Variants in PXDNL observed in about 807,000 individuals in gnomAD.
PXDNL encodes the protein peroxidasin like.
In PXDNL, 145 loss-of-function variants were observed where a neutral mutation model predicts 150.8. The observed-to-expected ratio is 0.96, with a 90% confidence interval of 0.84 to 1.10. The LOEUF is 1.10. PXDNL is among the 50% of genes least tolerant of loss of function. PXDNL has a pLI of 0.00. For synonymous variants in PXDNL, 757 were observed against 725.7 expected (o/e 1.04, Z -0.69); for missense variants, 2,087 against 1,873.9 (o/e 1.11, Z -2.10).
chr8:51,403,859 A>G (rs956959366), intron 17 of PXDNL, among the ~76,000 whole-genome samples: 1 of 152,142 alleles, frequency 6.6e-6, no homozygotes, highest in Admixed American at 6.5e-5. Flanking sequence ...TCAAGAATGA[A>G]CTTGCGGACC....
chr8:51,324,356 A>AGTTTTCC (rs529484537), intron 21 of PXDNL, among the ~76,000 whole-genome samples: 1 of 151,910 alleles, frequency 6.6e-6, no homozygotes, highest in African/African-American at 2.4e-5. Flanking sequence ...CCTTGTTTGC[A>AGTTTTCC]ATACCTTGCA....
intron 1 of PXDNL, among the ~76,000 whole-genome samples, chr8:51,735,296 C>T (rs2130941244): frequency 6.6e-6 from 1 of 151,722 alleles, no homozygotes; most frequent in Non-Finnish European, 1.5e-5. Context: ...GCCTGGTCAA[C>T]ATGGTGAGAC....
At chr8:51,715,074 T>C (rs1180682711) in intron 1 of PXDNL, among the ~76,000 whole-genome samples, 1 of 152,222 alleles carries the variant, frequency 6.6e-6, no homozygotes, top group Non-Finnish European at 1.5e-5. Flanking sequence ...CTGTTGCTTC[T>C]TAAAAGATAA....
intron 2 of PXDNL, among the ~76,000 whole-genome samples, chr8:51,611,952 G>T (rs1814014852): frequency 6.6e-6 from 1 of 152,242 alleles, no homozygotes; most frequent in Non-Finnish European, 1.5e-5. Flanking sequence ...TATGGGGTAG[G>T]GAGGAAGCCA....
At chr8:51,534,336 C>A (rs1812001141) in intron 4 of PXDNL, among the ~76,000 whole-genome samples, 1 of 147,188 alleles carries the variant, frequency 6.8e-6, no homozygotes, top group African/African-American at 2.6e-5. Flanking sequence ...GGCAGCCACC[C>A]CGTCCGGGAG....
chr8:51,499,077 A>G (rs1420924729), intron 5 of PXDNL, among the ~76,000 whole-genome samples: 1 of 152,168 alleles, frequency 6.6e-6, no homozygotes, highest in African/African-American at 2.4e-5. Context: ...TGAAACTGCT[A>G]GATCTTAGGG....
At chr8:51,439,207 G>C (rs936664747) in intron 12 of PXDNL, among the ~76,000 whole-genome samples, 9 of 151,892 alleles carry the variant, frequency 5.9e-5, no homozygotes, top group African/African-American at 2.2e-4. Context: ...GAATCTACAA[G>C]GAAATCAAAC....
intron 17 of PXDNL, among the ~76,000 whole-genome samples, chr8:51,388,914 C>T (rs117572870): frequency 1.1e-3 from 172 of 152,074 alleles, no homozygotes; most frequent in Non-Finnish European, 1.9e-3. Context: ...TTTTCAAATA[C>T]CTGTATTTTT....
At chr8:51,378,534 G>T (rs973787079) in intron 17 of PXDNL, among the ~76,000 whole-genome samples, 35 of 152,218 alleles carry the variant, frequency 2.3e-4, no homozygotes, top group Admixed American at 2.0e-3. Context: ...AAAGCAGGCT[G>T]CCCCAGCCAG....
intron 8 of PXDNL, 66 bp from the exon 9 acceptor site, chr8:51,457,733 TG>T: frequency 7.8e-7 from 1 of 1,284,544 alleles, no homozygotes; most frequent in Non-Finnish European, 1.1e-6. Flanking sequence ...TTAACAAGAC[TG>T]AGAATATAGT....
In PXDNL at chr8:51,441,704, T is replaced by G. The variant is rs16916285; in HGVS notation, c.1525+5300A>C. ...GATTACAGCTTGATCACTGTGATGG[T>G]TAGTGGTATCCATAGAAAATGGTGA... On this transcript the variant is annotated intron_variant, in intron 12 of 22. Coordinates refer to ENST00000356297, the MANE Select transcript of PXDNL (RefSeq NM_144651.5). 5.6e-3 allele frequency among the ~76,000 whole-genome samples: 857 copies of G among 152,276 alleles called. 24 individuals are homozygous for G. Among genetic ancestry groups the G allele is most frequent in the Admixed American group, 0.043 (665 of 15,294 alleles).
chr8:51,556,328 C>T (rs1812599658), intron 4 of PXDNL, among the ~76,000 whole-genome samples: 1 of 151,970 alleles, frequency 6.6e-6, no homozygotes, highest in Admixed American at 6.6e-5. Flanking sequence ...AATCAGTTAA[C>T]TAACATTGAA....
chr8:51,376,501 C>A (rs1246822410), intron 17 of PXDNL, among the ~76,000 whole-genome samples: 3 of 152,082 alleles, frequency 2.0e-5, no homozygotes, highest in African/African-American at 7.2e-5. Flanking sequence ...GAGATTTTTC[C>A]TCTGAAATGT....
At chr8:51,343,038 GCAAAAAATGAAACA>G (rs1806036205) in intron 20 of PXDNL, among the ~76,000 whole-genome samples, 1 of 152,032 alleles carries the variant, frequency 6.6e-6, no homozygotes, top group South Asian at 2.1e-4. Flanking sequence ...GAAGGTTATT[GCAAAAAATGAAACA>G]CAAAAACCCA....
At chr8:51,638,479 A>AG in intron 2 of PXDNL, among the ~76,000 whole-genome samples, 1 of 152,310 alleles carries the variant, frequency 6.6e-6, no homozygotes, top group South Asian at 2.1e-4. Flanking sequence ...AGACACACAT[A>AG]GGCTCAAAAT....
intron 5 of PXDNL, among the ~76,000 whole-genome samples, chr8:51,492,464 T>C (rs1208941218): frequency 6.6e-6 from 1 of 152,172 alleles, no homozygotes; most frequent in African/African-American, 2.4e-5. Flanking sequence ...ACACTGAGCA[T>C]GAGCCAAAGC....
At chr8:51,430,373 C>G (rs983009146) in intron 12 of PXDNL, among the ~76,000 whole-genome samples, 2 of 152,156 alleles carry the variant, frequency 1.3e-5, no homozygotes, top group Non-Finnish European at 2.9e-5. Context: ...TCCCAAGCGG[C>G]TAACTGGGCT....
intron 1 of PXDNL, among the ~76,000 whole-genome samples, chr8:51,801,412 A>C (rs2037619365): frequency 6.6e-6 from 1 of 151,726 alleles, no homozygotes; most frequent in African/African-American, 2.4e-5. Flanking sequence ...TGTGATCTTT[A>C]TTGCCCTTTA....
chr8:51,800,498 A>T (rs1210756944), intron 1 of PXDNL, among the ~76,000 whole-genome samples: 1 of 152,172 alleles, frequency 6.6e-6, no homozygotes, highest in African/African-American at 2.4e-5. Context: ...TCTGCAGAAC[A>T]AGCACAGGCA....
Sources: gnomAD v4.1 joint callset for allele counts (sites outside exome capture counted in the v4.1 genomes callset) on GRCh38, gnomAD v4.1.1 for gene constraint, MANE v1.5 for transcripts, NCBI Gene and HGNC (gene_info 2026-07-23, HGNC 2026-07-21) for gene names.